Variants in CD101 observed in about 807,000 individuals in gnomAD.
CD101 encodes the protein immunoglobulin superfamily member 2.
In CD101, 76 loss-of-function variants were observed where a neutral mutation model predicts 98.2. That is an observed-to-expected ratio of 0.77 (90% CI 0.64 to 0.94). The LOEUF is 0.94. Among genes scored for constraint, CD101 ranks in the 40% least tolerant of loss-of-function variants. The pLI, the probability that CD101 is intolerant of heterozygous loss-of-function variation, is 0.00. For synonymous variants in CD101, 471 were observed against 472.7 expected (o/e 1.00, Z 0.05); for missense variants, 1,145 against 1,218.8 (o/e 0.94, Z 0.90).
chr1:117,028,711 G>T (rs73004163), intron 8 of CD101, among the ~76,000 whole-genome samples: 3,085 of 152,260 alleles, frequency 0.02, 115 homozygotes, highest in African/African-American at 0.069. Flanking sequence ...AGGGCATCAA[G>T]AGGGTGAGGA....
chr1:117,033,955 C>T lies in CD101; in HGVS notation c.2920C>T (p.Leu974Phe), dbSNP rs1214398249. 1.2e-6 allele frequency: 2 copies of T among 1,614,048 alleles called. No homozygotes were observed. The highest frequency in any genetic ancestry group is 1.3e-5 in the African/African-American group (1 of 74,904). The change falls in exon 9 of 10, where the codon CTC becomes TTC. Residue 974 changes from leucine (L) to phenylalanine (F), a missense_variant. Physicochemically the swap from Leu to Phe is conservative, Grantham distance 22. Coordinates refer to ENST00000682167, the MANE Select transcript of CD101 (RefSeq NM_001256106.3). The surrounding 1 kb of genome is among the most constrained non-coding windows in gnomAD (Gnocchi z 4.8). ...FVLLLLLLIS[L>F]LCLYWKARKL... Reference sequence around the variant, plus strand: ...CCTGCTCCTCCTTCTGCTCATCTCCCTCCTCTGCTTATACTGGAAGGCCAG... The same window carrying T: ...CCTGCTCCTCCTTCTGCTCATCTCCTTCCTCTGCTTATACTGGAAGGCCAG...
chr1:117,032,569 A>G (rs1654529185), intron 8 of CD101: 1 of 152,274 alleles, frequency 6.6e-6, no homozygotes, highest in African/African-American at 2.4e-5. Context: ...CCATAATCCC[A>G]TGAATCCTGT....
At chr1:117,028,107 A>AAATAAATAAATAAATAAATAAATAAAT (rs148309572) in intron 8 of CD101, among the ~76,000 whole-genome samples, 2 of 148,054 alleles carry the variant, frequency 1.4e-5, no homozygotes, top group African/African-American at 2.5e-5. Flanking sequence ...ATAAATAAAT[A>AAATAAATAAATAAATAAATAAATAAAT]AAATAAAATA....
chr1:117,015,407 G>GAGATTATGAGTAAT (rs58112925), intron 4 of CD101, among the ~76,000 whole-genome samples: 62,378 of 151,728 alleles, frequency 0.41, 13,252 homozygotes, highest in East Asian at 0.61. Flanking sequence ...TTAAAGTGGT[G>GAGATTATGAGTAAT]AATTTCCCCT....
Position 117,017,224 on chromosome 1 carries a change from A to C in CD101, c.1363A>C (p.Thr455Pro). 1 of 1,614,138 alleles carries C rather than the reference A, an allele frequency of 6.2e-7. No homozygotes were observed. Among genetic ancestry groups the C allele is most frequent in the Non-Finnish European group, 8.5e-7 (1 of 1,179,994 alleles). Reference protein sequence around the residue: ...VSWWHIPRDQTQPEFVAGMGQ... With the variant: ...VSWWHIPRDQPQPEFVAGMGQ... ...CTGGTGGCACATCCCACGGGACCAGACACAGCCCGAGTTTGTGGCTGGCAT... is the reference window on the plus strand; with the variant it reads ...CTGGTGGCACATCCCACGGGACCAGCCACAGCCCGAGTTTGTGGCTGGCAT... Residue 455 changes from threonine (T) to proline (P), a missense_variant, in exon 5 of 10, where the codon ACA (threonine) becomes CCA (proline). Physicochemically the swap from Thr to Pro is conservative, Grantham distance 38. Transcript: ENST00000682167.
In CD101 at chr1:117,021,445, G is replaced by A. The variant is rs1330864182; in HGVS notation, c.2018-128G>A. 1 of 721,878 alleles carries A rather than the reference G, an allele frequency of 1.4e-6. No individual in the cohort carries two copies. Among genetic ancestry groups the A allele is most frequent in the East Asian group, 2.7e-5 (1 of 36,648 alleles). 44.7% of individuals were successfully genotyped at this position (721,878 alleles called of 1,614,324 possible). ...CAAAAGCTGTATGAGCAGTGAGTGG[G>A]GCTACTGTAGAGGGAGTTCACCCAT... On this transcript the variant is annotated intron_variant, in intron 6 of 9. Coordinates refer to ENST00000682167, the MANE Select transcript of CD101 (RefSeq NM_001256106.3). The surrounding 1 kb of genome is among the most constrained non-coding windows in gnomAD (Gnocchi z 4.7).
intron 8 of CD101, among the ~76,000 whole-genome samples, chr1:117,030,516 A>G (rs1337498908): frequency 6.6e-6 from 1 of 152,136 alleles, no homozygotes; most frequent in East Asian, 1.9e-4. Context: ...AGAAGGGAAG[A>G]TAAGGAAGTG....
chr1:117,015,391 GT>G (rs374088562), intron 4 of CD101, among the ~76,000 whole-genome samples: 83 of 152,070 alleles, frequency 5.5e-4, no homozygotes, highest in African/African-American at 1.7e-3. Context: ...AATCATCATG[GT>G]TATGTTAAAG....
rs142770876 is a variant in CD101 at position 117,011,875 on chromosome 1, G to A, written c.750G>A (p.Glu250=). The A allele has an allele frequency of 3.5e-5, 56 of 1,614,016 alleles. No homozygotes were observed. The highest frequency in any genetic ancestry group is 4.4e-5 in the Non-Finnish European group (52 of 1,180,038). The part of the protein sequence containing the change: ...QSSDQGQLFC[E]ATEWIQDPDE... ...CAGATCAGGGTCAGCTGTTCTGTGA[G>A]GCAACGGAATGGATTCAGGATCCAG... is the stretch of plus-strand genomic sequence containing the variant. The change falls in exon 3 of 10, where the codon GAG becomes GAA. Residue 250 remains glutamate (E), a synonymous_variant. Coordinates refer to ENST00000682167, the MANE Select transcript of CD101 (RefSeq NM_001256106.3).
At chr1:117,034,172 G>T (rs1364877089) in intron 9 of CD101, 38 bp downstream of exon 9, 4 of 1,557,464 alleles carry the variant, frequency 2.6e-6, no homozygotes, top group Non-Finnish European at 3.5e-6. Context: ...GGGTGTGAAT[G>T]AATCCTGGTT....
At chr1:117,002,348 G>T (rs1272666074) in intron 1 of CD101, among the ~76,000 whole-genome samples, 1 of 152,206 alleles carries the variant, frequency 6.6e-6, no homozygotes, top group Non-Finnish European at 1.5e-5. Context: ...ACCTGCGAGT[G>T]GAAGTGGAAA....
At position 117,013,458 on chromosome 1, in the gene CD101, A is replaced by C; in HGVS notation, c.894A>C (p.Lys298Asn). 6.2e-7 allele frequency: 1 copy of C among 1,611,160 alleles called. No homozygotes were observed. The highest frequency in any genetic ancestry group is 8.5e-7 in the Non-Finnish European group (1 of 1,178,888). ...CTGACAGCTTGTTTGCTGAAGGGAAACCCTTAGAACTGGTTTGCCTGGTTG... is the reference window on the plus strand; with the variant it reads ...CTGACAGCTTGTTTGCTGAAGGGAACCCCTTAGAACTGGTTTGCCTGGTTG... ...ITADSLFAEG[K>N]PLELVCLVVS... The change falls in exon 4 of 10, where the codon AAA (lysine) becomes AAC (asparagine). Residue 298 changes from lysine to asparagine, a missense_variant. Physicochemically the swap from Lys to Asn is moderately conservative, Grantham distance 94 (BLOSUM62 0). Coordinates refer to ENST00000682167, the MANE Select transcript of CD101 (RefSeq NM_001256106.3).
In CD101 at chr1:117,011,716, G is replaced by A; in HGVS notation, c.591G>A (p.Glu197=). 6.2e-7 allele frequency: 1 copy of A among 1,614,126 alleles called. No individual in the cohort carries two copies. The highest frequency in any genetic ancestry group is 2.2e-5 in the East Asian group (1 of 44,872). Reference sequence around the variant, plus strand: ...ATGGAGGAGGAAGCCAAGCCACTGAGATTATTTCTCTCTCCAAAGATTTTA... The same window carrying A: ...ATGGAGGAGGAAGCCAAGCCACTGAAATTATTTCTCTCTCCAAAGATTTTA... ...TQDGGGSQAT[E]IISLSKDFIL... The change falls in exon 3 of 10, where the codon GAG becomes GAA. Residue 197 remains glutamate (E), a synonymous_variant. Transcript: ENST00000682167.
chr1:117,011,732 A>G lies in CD101; in HGVS notation c.607A>G (p.Lys203Glu). The change falls in exon 3 of 10, where the codon AAA becomes GAA. Residue 203 changes from lysine to glutamate, a missense_variant. Transcript: ENST00000682167. ...SQATEIISLS[K>E]DFILVPGPLY... ...AGCCACTGAGATTATTTCTCTCTCC[A>G]AAGATTTTATATTGGTCCCTGGGCC... The G allele has an allele frequency of 6.2e-7, 1 of 1,614,126 alleles. No homozygotes were observed. The highest frequency in any genetic ancestry group is 8.5e-7 in the Non-Finnish European group (1 of 1,180,022).
At chr1:117,003,113 G>T (rs1449925887) in intron 1 of CD101, among the ~76,000 whole-genome samples, 1 of 152,130 alleles carries the variant, frequency 6.6e-6, no homozygotes, top group African/African-American at 2.4e-5. Flanking sequence ...CTGCACTCCA[G>T]CCTGGGTGAC....
At chr1:117,029,866 T>C (rs1260730287) in intron 8 of CD101, among the ~76,000 whole-genome samples, 1 of 152,248 alleles carries the variant, frequency 6.6e-6, no homozygotes, top group Non-Finnish European at 1.5e-5. Context: ...TCTCGGAGAA[T>C]GGACCTTGCC....
In CD101 at chr1:117,006,403, C is replaced by G. The variant is rs1652531826; in HGVS notation, c.44-3447C>G. On this transcript the variant is annotated intron_variant, in intron 1 of 9. Transcript: ENST00000682167. The surrounding 1 kb of genome is among the most constrained non-coding windows in gnomAD (Gnocchi z 4.4). The stretch of plus-strand genomic sequence containing the variant: ...TTTCCTAAAACCTCCTAAACACTTT[C>G]AGTGGATTCCCCATTGCCAATGAAT... Among the ~76,000 whole-genome samples the G allele has an allele frequency of 6.6e-6, 1 of 152,214 alleles. No homozygotes were observed. Among genetic ancestry groups the G allele is most frequent in the Non-Finnish European group, 1.5e-5 (1 of 68,050 alleles).
chr1:117,032,742 T>C (rs568601122), intron 8 of CD101, among the ~76,000 whole-genome samples: 38 of 152,380 alleles, frequency 2.5e-4, no homozygotes, highest in Middle Eastern at 6.8e-3. Flanking sequence ...TCTTTAAGCA[T>C]GTGTCTTTCT....
Position 117,018,276 on chromosome 1 carries a change from C to T in CD101, c.1733C>T (p.Thr578Met), listed in dbSNP as rs201016506. The T allele has an allele frequency of 1.1e-5, 17 of 1,614,178 alleles. No homozygotes were observed. The highest frequency in any genetic ancestry group is 4.5e-5 in the East Asian group (2 of 44,884). ...YSDLKVPLTV[T>M]WQFQPASSHI... ...GACCTCAAGGTGCCACTCACTGTGA[C>T]GTGGCAGTTCCAGCCAGCTAGCTCT... Residue 578 changes from threonine (T) to methionine (M), a missense_variant, in exon 6 of 10, where the codon ACG (threonine) becomes ATG (methionine). Physicochemically the swap from Thr to Met is moderately conservative, Grantham distance 81 (BLOSUM62 -1). Transcript: ENST00000682167. The surrounding 1 kb of genome is among the most constrained non-coding windows in gnomAD (Gnocchi z 4.3).
Sources: allele counts gnomAD v4.1 joint callset (sites outside exome capture counted in the v4.1 genomes callset), GRCh38; gene constraint gnomAD v4.1.1; non-coding constraint Gnocchi (gnomAD v3.1); transcripts MANE v1.5; gene names NCBI Gene and HGNC (gene_info 2026-07-23, HGNC 2026-07-21).